CNBD1: variants seen among roughly 807,000 people sequenced by gnomAD.
CNBD1 encodes cyclic nucleotide binding domain containing 1.
In CNBD1, 71 loss-of-function variants were observed where a neutral mutation model predicts 54.4. The observed-to-expected ratio is 1.30, with a 90% CI of 1.08 to 1.59. CNBD1 has a LOEUF of 1.59. Among genes scored for constraint, CNBD1 ranks in the 40% most tolerant of loss-of-function variants. CNBD1 has a pLI of 0.00. For synonymous variants in CNBD1, 182 were observed against 170.7 expected (o/e 1.07, Z -0.51); for missense variants, 659 against 518.0 (o/e 1.27, Z -2.64).
At chr8:87,216,594 T>C (rs1369686303) in intron 5 of CNBD1, among the ~76,000 whole-genome samples, 1 of 152,182 alleles carries the variant, frequency 6.6e-6, no homozygotes, top group African/African-American at 2.4e-5. Flanking sequence ...AATCCTTTGA[T>C]AGACAATCCT....
intron 8 of CNBD1, among the ~76,000 whole-genome samples, chr8:87,320,513 A>T (rs181437724): frequency 6.6e-6 from 1 of 152,118 alleles, no homozygotes; most frequent in Non-Finnish European, 1.5e-5. Context: ...CCACGAGTTA[A>T]AATTATGTGC....
chr8:87,170,140 T>C (rs1239228954), intron 4 of CNBD1, among the ~76,000 whole-genome samples: 2 of 152,120 alleles, frequency 1.3e-5, no homozygotes, highest in Non-Finnish European at 2.9e-5. Flanking sequence ...AGTTAATTCC[T>C]AGGTATATTT....
chr8:87,390,257 G>T (rs940068361), intron 2 of CNBD1, among the ~76,000 whole-genome samples: 39 of 152,158 alleles, frequency 2.6e-4, no homozygotes, highest in African/African-American at 5.1e-4. Context: ...TGGGATCTAA[G>T]TAAACTAAAG....
At chr8:86,987,237 T>G (rs1808629199) in intron 4 of CNBD1, among the ~76,000 whole-genome samples, 1 of 152,192 alleles carries the variant, frequency 6.6e-6, no homozygotes, top group Admixed American at 6.6e-5. Context: ...CTTGGTTAGC[T>G]GCATTCCTAG....
chr8:87,138,062 C>T (rs1026148349), intron 4 of CNBD1, among the ~76,000 whole-genome samples: 2 of 152,108 alleles, frequency 1.3e-5, no homozygotes, highest in Non-Finnish European at 2.9e-5. Flanking sequence ...AATGTCAATT[C>T]TTTTCCCTGA....
rs551581718 is a variant in CNBD1, at chr8:87,031,519, G to A, written c.431+91765G>A. Among the ~76,000 whole-genome samples, 75 of 152,192 alleles carry A rather than the reference G, an allele frequency of 4.9e-4. No individual in the cohort carries two copies. The South Asian group carries it at 0.015, about 31-fold the overall frequency. On this transcript the variant is annotated intron_variant, in intron 4 of 10. Transcript: ENST00000518476. The stretch of plus-strand genomic sequence containing the variant: ...ACTATTTTTTCAGAATTATAATTTA[G>A]GAGCTACTCATACTCCAGGATGATC...
At chr8:86,959,275 C>G (rs551395865) in intron 4 of CNBD1, among the ~76,000 whole-genome samples, 1 of 152,296 alleles carries the variant, frequency 6.6e-6, no homozygotes, top group African/African-American at 2.4e-5. Flanking sequence ...TCTGGCTGCC[C>G]TTAACATTTT....
At chr8:87,126,083 G>T (rs1488824749) in intron 4 of CNBD1, among the ~76,000 whole-genome samples, 1 of 151,686 alleles carries the variant, frequency 6.6e-6, no homozygotes, top group African/African-American at 2.4e-5. Flanking sequence ...ATTGTGGGTG[G>T]GCATTTCAAT....
intron 4 of CNBD1, among the ~76,000 whole-genome samples, chr8:87,085,905 C>T (rs1397047692): frequency 6.6e-6 from 1 of 152,104 alleles, no homozygotes; most frequent in Non-Finnish European, 1.5e-5. Context: ...TATTTGTCTC[C>T]TTACCTTAGT....
At position 86,956,756 on chromosome 8, in the gene CNBD1, A is replaced by G. The variant is rs185108242; in HGVS notation, c.431+17002A>G. On this transcript the variant is annotated intron_variant, in intron 4 of 10. Transcript: ENST00000518476. ...TGAGATGATGGGTTTTTATAAATAT[A>G]CAATCATGTCATCTGCAAACAGGGA... Among the ~76,000 whole-genome samples, 457 of 152,346 alleles carry G rather than the reference A, an allele frequency of 3.0e-3. 3 individuals carry two copies. The highest frequency in any genetic ancestry group is 0.01 in the African/African-American group (419 of 41,578).
intron 4 of CNBD1, among the ~76,000 whole-genome samples, chr8:87,151,108 G>A (rs967893087): frequency 5.9e-5 from 9 of 152,132 alleles, no homozygotes; most frequent in Non-Finnish European, 1.2e-4. Context: ...CTTCAGAATG[G>A]CAGGAAGCAG....
intron 1 of CNBD1, among the ~76,000 whole-genome samples, chr8:86,873,513 C>T (rs763978567): frequency 9.2e-5 from 14 of 152,046 alleles, no homozygotes; most frequent in Non-Finnish European, 1.5e-4. Flanking sequence ...CTTCCTACTT[C>T]TCAGGCTGAA....
chr8:87,381,472 G>T lies in CNBD1; in HGVS notation c.1304-1148G>T, dbSNP rs1041779589. 5.9e-5 allele frequency among the ~76,000 whole-genome samples: 9 copies of T among 151,904 alleles called. No individual in the cohort carries two copies. The South Asian group carries it at 8.3e-4, about 14-fold the overall frequency. On this transcript the variant is annotated intron_variant, in intron 10 of 10. Coordinates refer to ENST00000518476, the MANE Select transcript of CNBD1 (RefSeq NM_173538.3). Reference sequence around the variant, plus strand: ...AGCCACTATGGAAAACAGAATGGAAGTCCCTTAAACAATTAACAGTAGACC... The same window carrying T: ...AGCCACTATGGAAAACAGAATGGAATTCCCTTAAACAATTAACAGTAGACC...
At chr8:87,118,025 G>T (rs374237553) in intron 4 of CNBD1, among the ~76,000 whole-genome samples, 1 of 151,920 alleles carries the variant, frequency 6.6e-6, no homozygotes, top group African/African-American at 2.4e-5. Context: ...TTAAAAAATA[G>T]AGCAGTATGG....
chr8:87,291,180 A>C (rs1269936331), intron 8 of CNBD1, among the ~76,000 whole-genome samples: 1 of 152,062 alleles, frequency 6.6e-6, no homozygotes, highest in Admixed American at 6.6e-5. Flanking sequence ...CTATATCTCA[A>C]AGTTTTAATT....
At chr8:87,281,866 T>G (rs2130867524) in intron 6 of CNBD1, among the ~76,000 whole-genome samples, 2 of 151,394 alleles carry the variant, frequency 1.3e-5, no homozygotes, top group Middle Eastern at 3.4e-3. Flanking sequence ...AACCATGTGG[T>G]ATTATGACAT....
Position 87,351,795 on chromosome 8 carries a change from G to T in CNBD1, c.1152+1G>T. 1.4e-6 allele frequency: 2 copies of T among 1,480,894 alleles called. No homozygotes were observed. Among genetic ancestry groups the T allele is most frequent in the Non-Finnish European group, 1.8e-6 (2 of 1,120,186 alleles). The allele number at this position is 1,480,894 out of a possible 1,614,324, so 91.7% of individuals were successfully genotyped here. On this transcript the variant is annotated splice_donor_variant, in intron 9 of 10. Transcript: ENST00000518476. LOFTEE classifies it high-confidence loss of function. ...TGTGAAACTACGATCAAATAAAGTG[G>T]TAAGTTTTCAACATGTATTCTTTTT...
At chr8:87,281,745 A>G (rs1808606563) in intron 6 of CNBD1, among the ~76,000 whole-genome samples, 1 of 150,842 alleles carries the variant, frequency 6.6e-6, no homozygotes, top group African/African-American at 2.4e-5. Flanking sequence ...AGATATTGCC[A>G]GATAATTTCT....
At chr8:86,929,917 G>T (rs1359010901) in intron 3 of CNBD1, among the ~76,000 whole-genome samples, 1 of 152,174 alleles carries the variant, frequency 6.6e-6, no homozygotes, top group Non-Finnish European at 1.5e-5. Context: ...ACACAAGTCT[G>T]AGTAAGGACT....
Sources: allele counts gnomAD v4.1 joint callset (sites outside exome capture counted in the v4.1 genomes callset), GRCh38; gene constraint gnomAD v4.1.1; transcripts MANE v1.5; gene names NCBI Gene and HGNC (gene_info 2026-07-23, HGNC 2026-07-21).